The following ELP3 variants were observed in gnomAD, a reference collection of about 807,000 sequenced individuals.
ELP3 encodes the protein elongator complex protein 3.
Under a neutral mutation model 74.9 loss-of-function variants are expected in ELP3, and 56 were observed. The observed-to-expected ratio is 0.75, with a 90% confidence interval of 0.60 to 0.93. The LOEUF (loss-of-function observed/expected upper bound fraction) is 0.93, where lower values mean the gene tolerates loss of function less well. Among genes scored for constraint, ELP3 ranks in the 40% least tolerant of loss-of-function variants. The pLI is 0.00. For missense variants in ELP3, 573 were observed against 686.5 expected (o/e 0.83, Z 1.85); for synonymous variants, 222 against 239.8 (o/e 0.93, Z 0.68).
intron 10 of ELP3, among the ~76,000 whole-genome samples, chr8:28,145,936 A>C (rs1459045852): frequency 6.6e-6 from 1 of 152,098 alleles, no homozygotes; most frequent in Non-Finnish European, 1.5e-5. Flanking sequence ...GAAGAAACTT[A>C]GGCAGGTATC....
intron 7 of ELP3, among the ~76,000 whole-genome samples, chr8:28,127,765 T>C (rs956272113): frequency 3.9e-5 from 6 of 152,218 alleles, no homozygotes; most frequent in Non-Finnish European, 8.8e-5. Flanking sequence ...TGTCTCATAG[T>C]TCATCTTTTA....
Position 28,177,225 on chromosome 8 carries a change from A to AT in ELP3, c.1568-12414dup, listed in dbSNP as rs60414469. 1.3e-3 allele frequency among the ~76,000 whole-genome samples: 198 copies of AT among 150,286 alleles called. 3 individuals are homozygous for AT. In the East Asian group the frequency reaches 0.028, roughly 21 times the overall value. On this transcript the variant is annotated intron_variant, in intron 14 of 14. Coordinates refer to ENST00000256398, the MANE Select transcript of ELP3 (RefSeq NM_018091.6). ...ATTATACATGGGTAACCTTTGTATGATTTTTTTTTTAATAGAATGGGGAAA... is the reference window on the plus strand; with the variant it reads ...ATTATACATGGGTAACCTTTGTATGATTTTTTTTTTTAATAGAATGGGGAAA...
intron 11 of ELP3, 72 bp from the exon 12 acceptor site, chr8:28,158,496 G>T: frequency 9.7e-7 from 1 of 1,031,844 alleles, no homozygotes; most frequent in Non-Finnish European, 1.5e-6. Context: ...AATAAAGATT[G>T]AATTGGTTAC....
At chr8:28,171,938 T>C (rs1413138651) in intron 14 of ELP3, among the ~76,000 whole-genome samples, 1 of 152,160 alleles carries the variant, frequency 6.6e-6, no homozygotes, top group East Asian at 1.9e-4. Context: ...TGAATGCTCT[T>C]GACACCCTTG....
chr8:28,133,545 G>A (rs2130468385), intron 9 of ELP3, among the ~76,000 whole-genome samples: 1 of 149,324 alleles, frequency 6.7e-6, no homozygotes, highest in East Asian at 2.0e-4. Flanking sequence ...CTTGATCCAT[G>A]TTAACTTTGT....
chr8:28,171,608 T>C (rs1189767011), intron 14 of ELP3, among the ~76,000 whole-genome samples: 1 of 152,196 alleles, frequency 6.6e-6, no homozygotes, highest in African/African-American at 2.4e-5. Flanking sequence ...TTCTGTGGGT[T>C]GCCTTTTCAC....
chr8:28,113,272 T>C, intron 7 of ELP3, 99 bp downstream of exon 7: 1 of 798,936 alleles, frequency 1.3e-6, no homozygotes, highest in Non-Finnish European at 1.8e-6. Context: ...ATCCACATTC[T>C]TACTTCTCAT....
chr8:28,161,230 G>A (rs1446363806), intron 13 of ELP3, among the ~76,000 whole-genome samples: 1 of 152,094 alleles, frequency 6.6e-6, no homozygotes, highest in Admixed American at 6.6e-5. Context: ...TATGATATAC[G>A]AGCCAAAATT....
intron 14 of ELP3, among the ~76,000 whole-genome samples, chr8:28,182,475 C>G (rs150763497): frequency 1.3e-5 from 2 of 152,158 alleles, no homozygotes; most frequent in African/African-American, 4.8e-5. Context: ...GCAGGAGAAT[C>G]GTTTGAAGCT....
chr8:28,103,936 C>T (rs1394824616), intron 3 of ELP3, among the ~76,000 whole-genome samples: 2 of 152,156 alleles, frequency 1.3e-5, no homozygotes, highest in African/African-American at 4.8e-5. Context: ...ACCATGTTAC[C>T]TAGGATGGTC....
intron 3 of ELP3, among the ~76,000 whole-genome samples, chr8:28,103,734 A>G (rs938686921): frequency 6.6e-6 from 1 of 152,046 alleles, no homozygotes; most frequent in African/African-American, 2.4e-5. Context: ...ATTTTATTTA[A>G]TTAATTTATT....
At chr8:28,162,490 G>T (rs1814141156) in intron 14 of ELP3, among the ~76,000 whole-genome samples, 1 of 152,214 alleles carries the variant, frequency 6.6e-6, no homozygotes, top group Non-Finnish European at 1.5e-5. Flanking sequence ...AGTACGAGCT[G>T]TTTAAAGGCC....
In ELP3 at chr8:28,162,040, GAGA is replaced by G; in HGVS notation, c.1534_1536del (p.Glu512del). 2 of 1,614,202 alleles carry G rather than the reference GAGA, an allele frequency of 1.2e-6. No individual in the cohort carries two copies. Among genetic ancestry groups the G allele is most frequent in the Non-Finnish European group, 1.7e-6 (2 of 1,180,022 alleles). On this transcript the variant is annotated inframe_deletion, in exon 14 of 15. Coordinates refer to ENST00000256398, the MANE Select transcript of ELP3 (RefSeq NM_018091.6). The stretch of plus-strand genomic sequence containing the variant: ...ATGGAGGAAGCAGAAAGAATAGCTA[GAGA>G]AGAACATGGGTCTGGGAAAATCGCT...
intron 1 of ELP3, among the ~76,000 whole-genome samples, chr8:28,094,354 G>T (rs1300814125): frequency 1.3e-5 from 2 of 152,154 alleles, no homozygotes; most frequent in Non-Finnish European, 2.9e-5. Flanking sequence ...ATTTATTTGA[G>T]TCTTAGAATG....
At chr8:28,149,858 C>T (rs544727545) in intron 10 of ELP3, among the ~76,000 whole-genome samples, 1 of 152,166 alleles carries the variant, frequency 6.6e-6, no homozygotes, top group South Asian at 2.1e-4. Flanking sequence ...CTATTTTTGT[C>T]TTCCATTCTT....
chr8:28,145,483 T>C (rs897463813), intron 10 of ELP3, among the ~76,000 whole-genome samples: 2 of 152,232 alleles, frequency 1.3e-5, no homozygotes, highest in Non-Finnish European at 2.9e-5. Context: ...GGAAAATCAT[T>C]TGTGTCTTTC....
At chr8:28,128,445 C>T (rs1812665837) in intron 7 of ELP3, among the ~76,000 whole-genome samples, 1 of 152,048 alleles carries the variant, frequency 6.6e-6, no homozygotes, top group Non-Finnish European at 1.5e-5. Context: ...CACTGTACTA[C>T]AGCCTGGGCA....
intron 10 of ELP3, among the ~76,000 whole-genome samples, chr8:28,141,686 T>C (rs1813243480): frequency 6.6e-6 from 1 of 152,220 alleles, no homozygotes. Context: ...AAATAATTAT[T>C]TGTACTGCAC....
At chr8:28,172,224 T>G (rs971999912) in intron 14 of ELP3, among the ~76,000 whole-genome samples, 3 of 152,118 alleles carry the variant, frequency 2.0e-5, no homozygotes, top group African/African-American at 7.2e-5. Flanking sequence ...CATTGAATCT[T>G]TATATGGCTT....
Sources: allele counts gnomAD v4.1 joint callset (sites outside exome capture counted in the v4.1 genomes callset), GRCh38; gene constraint gnomAD v4.1.1; transcripts MANE v1.5; gene names NCBI Gene and HGNC (gene_info 2026-07-23, HGNC 2026-07-21).